Variants in FAM171A1 observed in about 807,000 individuals in gnomAD.
FAM171A1 encodes protein FAM171A1.
A neutral mutation model predicts 74.9 loss-of-function variants in FAM171A1; 23 were observed. That is an observed-to-expected ratio of 0.31 (90% CI 0.22 to 0.44). FAM171A1 has a LOEUF of 0.44. Ranked by LOEUF, FAM171A1 falls within the 20% of genes least tolerant of loss-of-function variation. The pLI is 1.00. For synonymous variants in FAM171A1, 527 were observed against 505.7 expected, an observed-to-expected ratio of 1.04 and a Z score of -0.57; for missense variants, 1,162 against 1,159.2, an observed-to-expected ratio of 1.00 and a Z score of -0.03.
At chr10:15,325,235 C>G (rs1002968169) in intron 1 of FAM171A1, among the ~76,000 whole-genome samples, 1 of 152,204 alleles carries the variant, frequency 6.6e-6, no homozygotes, top group Non-Finnish European at 1.5e-5. Flanking sequence ...GGGGCTCACA[C>G]CTGTAATTCC....
chr10:15,250,259 T>C (rs1203959409), intron 4 of FAM171A1, among the ~76,000 whole-genome samples: 2 of 152,220 alleles, frequency 1.3e-5, no homozygotes, highest in African/African-American at 2.4e-5. Context: ...GATCCAAGTT[T>C]TGAAATCTCT....
At position 15,262,490 on chromosome 10, in the gene FAM171A1, G is replaced by A. The variant is rs562687440; in HGVS notation, c.419-7611C>T. Among the ~76,000 whole-genome samples, 13 of 152,318 alleles carry A rather than the reference G, an allele frequency of 8.5e-5. No homozygotes were observed. The East Asian group carries it at 2.3e-3, about 27-fold the overall frequency. Reference sequence around the variant, plus strand: ...TGAAGACATCCAGGAAGGCAGAACCGGGTAGGGTGGTGAAGCTGCGGGGAA... The same window carrying A: ...TGAAGACATCCAGGAAGGCAGAACCAGGTAGGGTGGTGAAGCTGCGGGGAA... On this transcript the variant is annotated intron_variant, in intron 3 of 7. Transcript: ENST00000378116.
chr10:15,329,506 G>C (rs1835601080), intron 1 of FAM171A1, among the ~76,000 whole-genome samples: 1 of 152,066 alleles, frequency 6.6e-6, no homozygotes, highest in Non-Finnish European at 1.5e-5. Flanking sequence ...CACATCTGGA[G>C]TCCCAGCTAC....
At chr10:15,263,741 G>GTCTA (rs55705228) in intron 3 of FAM171A1, among the ~76,000 whole-genome samples, 32,075 of 140,330 alleles carry the variant, frequency 0.23, 3,519 homozygotes, top group Middle Eastern at 0.32. Context: ...CTATCTGTCT[G>GTCTA]TCTATCTATC....
At chr10:15,235,036 G>A (rs1469446965) in intron 5 of FAM171A1, among the ~76,000 whole-genome samples, 2 of 152,074 alleles carry the variant, frequency 1.3e-5, no homozygotes, top group Non-Finnish European at 2.9e-5. Flanking sequence ...TATGCCGGGC[G>A]TGGTGTCTCA....
intron 6 of FAM171A1, among the ~76,000 whole-genome samples, chr10:15,220,210 A>G (rs1834019503): frequency 6.6e-6 from 1 of 152,206 alleles, no homozygotes; most frequent in African/African-American, 2.4e-5. Flanking sequence ...AAGATTTGCC[A>G]TTTGAGCATA....
chr10:15,355,729 A>G (rs530765837), intron 1 of FAM171A1, among the ~76,000 whole-genome samples: 1 of 152,144 alleles, frequency 6.6e-6, no homozygotes, highest in East Asian at 1.9e-4. Flanking sequence ...AATAATAATA[A>G]TAATAAAATA....
intron 5 of FAM171A1, among the ~76,000 whole-genome samples, chr10:15,227,064 A>G (rs965355986): frequency 4.6e-5 from 7 of 152,112 alleles, no homozygotes; most frequent in Non-Finnish European, 8.8e-5. Context: ...CAGTGGTGCA[A>G]TCTCAGCTCA....
chr10:15,288,750 G>A (rs534203439), intron 1 of FAM171A1, among the ~76,000 whole-genome samples: 18 of 146,650 alleles, frequency 1.2e-4, no homozygotes, highest in Non-Finnish European at 2.2e-4. Flanking sequence ...CGTTAAAAGA[G>A]ATTGTTTAGT....
chr10:15,371,799 GAA>G (rs1257645162), upstream of FAM171A1, among the ~76,000 whole-genome samples: 1 of 152,104 alleles, frequency 6.6e-6, no homozygotes, highest in Admixed American at 6.5e-5. Flanking sequence ...TCCTATTAAA[GAA>G]AAAAGACTAT....
intron 5 of FAM171A1, among the ~76,000 whole-genome samples, chr10:15,239,225 A>T (rs562142027): frequency 6.6e-6 from 1 of 152,270 alleles, no homozygotes. Flanking sequence ...CCTTTGACAG[A>T]CATGGGAAGG....
chr10:15,225,643 G>T (rs536735510), intron 5 of FAM171A1, among the ~76,000 whole-genome samples: 69 of 152,276 alleles, frequency 4.5e-4, no homozygotes, highest in African/African-American at 1.6e-3. Context: ...GTACCGGATG[G>T]CAGAGCACAC....
At position 15,221,400 on chromosome 10, in the gene FAM171A1, G is replaced by A. The variant is rs142148098; in HGVS notation, c.755-340C>T. Among the ~76,000 whole-genome samples the A allele has an allele frequency of 2.7e-3, 410 of 152,266 alleles. 1 individual carries two copies. The highest frequency in any genetic ancestry group is 9.0e-3 in the African/African-American group (373 of 41,554). ...GAATACAGGCAGCATGATGGGGGCT[G>A]GTGGGAGTGAAAAGAGAGGGGGAAA... On this transcript the variant is annotated intron_variant, in intron 5 of 7. Transcript: ENST00000378116.
chr10:15,307,560 C>T (rs559841337), intron 1 of FAM171A1, among the ~76,000 whole-genome samples: 3 of 147,682 alleles, frequency 2.0e-5, no homozygotes, highest in Non-Finnish European at 3.0e-5. Flanking sequence ...GCAGGAGAAT[C>T]GCTTGTATTC....
Position 15,214,419 on chromosome 10 carries a change from G to A in FAM171A1, c.1169C>T (p.Thr390Met), listed in dbSNP as rs145909806. The change falls in exon 8 of 8, where the codon ACG becomes ATG. Residue 390 changes from threonine (T) to methionine (M), a missense_variant. Coordinates refer to ENST00000378116, the MANE Select transcript of FAM171A1 (RefSeq NM_001010924.2). The part of the protein sequence containing the change: ...TSHGRPEAPG[T>M]KELMSGVHLE... ...ATGGACTCCACTCATCAGTTCCTTC[G>A]TGCCGGGGGCCTCGGGGCGGCCGTG... 5.2e-5 allele frequency: 84 copies of A among 1,613,944 alleles called. No homozygotes were observed. The highest frequency in any genetic ancestry group is 2.5e-4 in the African/African-American group (19 of 74,910).
In FAM171A1 at chr10:15,342,481, T is replaced by G. The variant is rs568113196; in HGVS notation, c.97+28475A>C. ...TACTTGGGAGGCTGAGGAGGAAGGA[T>G]TGCTTGAACCTGGGAGGCAGAGGTT... is the stretch of plus-strand genomic sequence containing the variant. On this transcript the variant is annotated intron_variant, in intron 1 of 7. Transcript: ENST00000378116. Among the ~76,000 whole-genome samples, 481 of 152,192 alleles carry G rather than the reference T, an allele frequency of 3.2e-3. 3 individuals are homozygous for G. The highest frequency in any genetic ancestry group is 0.011 in the African/African-American group (458 of 41,524).
Position 15,254,844 on chromosome 10 carries a change from T to C in FAM171A1, c.454A>G (p.Arg152Gly). 6.2e-7 allele frequency: 1 copy of C among 1,614,072 alleles called. No individual in the cohort carries two copies. The highest frequency in any genetic ancestry group is 8.5e-7 in the Non-Finnish European group (1 of 1,179,928). ...RPQPRVHFQR[R>G]ALRLPENTSY... ...GTGTTCTCAGGCAACCTCAGAGCCC[T>C]TCTCTGGAAATGAACGCGAGGCTGT... The change falls in exon 4 of 8, where the codon AGG (arginine) becomes GGG (glycine). Residue 152 changes from arginine (R) to glycine (G), a missense_variant. Physicochemically the swap from Arg to Gly is moderately radical, Grantham distance 125. Transcript: ENST00000378116.
At chr10:15,372,332 G>C (rs1836160098), upstream of FAM171A1, among the ~76,000 whole-genome samples, 1 of 152,118 alleles carries the variant, frequency 6.6e-6, no homozygotes, top group African/African-American at 2.4e-5. Context: ...GTGCATACCT[G>C]GTCAGTGGCA....
intron 1 of FAM171A1, among the ~76,000 whole-genome samples, chr10:15,301,353 T>TAC (rs1835225876): frequency 7.3e-6 from 1 of 136,878 alleles, no homozygotes; most frequent in Non-Finnish European, 1.6e-5. Flanking sequence ...GCTATATATA[T>TAC]ATATATATAT....
Sources: allele counts gnomAD v4.1 joint callset (sites outside exome capture counted in the v4.1 genomes callset), GRCh38; gene constraint gnomAD v4.1.1; transcripts MANE v1.5; gene names NCBI Gene and HGNC (gene_info 2026-07-23, HGNC 2026-07-21).